ARHGAP15: variants seen among roughly 807,000 people sequenced by gnomAD.
ARHGAP15 encodes the protein rho GTPase-activating protein 15.
A neutral mutation model predicts 63.7 loss-of-function variants in ARHGAP15; 51 were observed. The observed-to-expected ratio is 0.80, with a 90% CI of 0.64 to 1.01. The LOEUF (loss-of-function observed/expected upper bound fraction) is 1.01, where lower values mean the gene tolerates loss of function less well. Ranked by LOEUF, ARHGAP15 falls within the 50% of genes least tolerant of loss-of-function variation. The pLI is 0.00. For synonymous variants in ARHGAP15, 191 were observed against 193.8 expected (o/e 0.99, Z 0.12); for missense variants, 560 against 564.6 (o/e 0.99, Z 0.08).
chr2:143,420,025 T>C (rs1336987171), intron 6 of ARHGAP15, among the ~76,000 whole-genome samples: 3 of 152,144 alleles, frequency 2.0e-5, no homozygotes, highest in Non-Finnish European at 4.4e-5. Context: ...CAAAGAGGCT[T>C]CTTAAGGCTC....
intron 2 of ARHGAP15, among the ~76,000 whole-genome samples, chr2:143,164,335 A>G (rs1049702447): frequency 6.6e-5 from 10 of 151,906 alleles, no homozygotes; most frequent in African/African-American, 2.4e-4. Context: ...AGGCAAATAC[A>G]TTTTTTTTAC....
At chr2:143,374,035 A>G (rs1375691045) in intron 6 of ARHGAP15, among the ~76,000 whole-genome samples, 5 of 152,160 alleles carry the variant, frequency 3.3e-5, no homozygotes. Context: ...AACAAATCCC[A>G]AATATTGTGT....
intron 6 of ARHGAP15, among the ~76,000 whole-genome samples, chr2:143,376,167 G>A (rs1686800741): frequency 6.6e-6 from 1 of 152,166 alleles, no homozygotes; most frequent in African/African-American, 2.4e-5. Flanking sequence ...TCTAAAAGTG[G>A]AAGGAGAAAT....
intron 3 of ARHGAP15, among the ~76,000 whole-genome samples, chr2:143,209,065 G>A (rs1692467541): frequency 6.6e-6 from 1 of 151,732 alleles, no homozygotes; most frequent in South Asian, 2.1e-4. Context: ...ATAGTAGTGA[G>A]GGCTTTGAGC....
intron 10 of ARHGAP15, among the ~76,000 whole-genome samples, chr2:143,550,450 T>C (rs988414242): frequency 2.0e-5 from 3 of 152,226 alleles, no homozygotes; most frequent in Non-Finnish European, 4.4e-5. Flanking sequence ...GGGTAGTTGA[T>C]GCTGACCTAG....
At chr2:143,672,253 C>T (rs1682564692) in intron 12 of ARHGAP15, among the ~76,000 whole-genome samples, 1 of 151,998 alleles carries the variant, frequency 6.6e-6, no homozygotes, top group Non-Finnish European at 1.5e-5. Context: ...ATTAGGCAGA[C>T]TTATCTGAGG....
At chr2:143,179,765 G>T (rs1489544959) in intron 2 of ARHGAP15, among the ~76,000 whole-genome samples, 1 of 152,010 alleles carries the variant, frequency 6.6e-6, no homozygotes, top group African/African-American at 2.4e-5. Context: ...GCTTTTCCAT[G>T]CCTGTAGTCC....
intron 10 of ARHGAP15, among the ~76,000 whole-genome samples, chr2:143,539,710 T>C (rs1694955364): frequency 6.6e-6 from 1 of 152,152 alleles, no homozygotes; most frequent in Non-Finnish European, 1.5e-5. Context: ...TTCTTAATCC[T>C]GAGTTCTAGT....
chr2:143,593,587 A>G (rs113424883), intron 11 of ARHGAP15, among the ~76,000 whole-genome samples: 12 of 152,180 alleles, frequency 7.9e-5, no homozygotes, highest in Non-Finnish European at 1.6e-4. Flanking sequence ...TTTTTATCTT[A>G]TCTGAGAGCT....
chr2:143,656,934 G>GGGGTGTGTGTGTGT (rs1484394918), intron 12 of ARHGAP15, among the ~76,000 whole-genome samples: 32 of 144,936 alleles, frequency 2.2e-4, no homozygotes, highest in Non-Finnish European at 3.9e-4. Flanking sequence ...CAAAGTTTCT[G>GGGGTGTGTGTGTGT]GTGTGTGTGT....
chr2:143,728,629 G>T (rs1685392340), intron 13 of ARHGAP15, among the ~76,000 whole-genome samples: 1 of 152,152 alleles, frequency 6.6e-6, no homozygotes, highest in African/African-American at 2.4e-5. Context: ...GACTTTGTAA[G>T]GTTTAGGGGA....
intron 1 of ARHGAP15, among the ~76,000 whole-genome samples, chr2:143,134,187 A>G (rs1235565831): frequency 6.3e-5 from 5 of 79,064 alleles, no homozygotes; most frequent in African/African-American, 1.7e-4. Context: ...TCTATCATCT[A>G]TCTATCTACC....
intron 4 of ARHGAP15, among the ~76,000 whole-genome samples, chr2:143,225,561 A>G (rs181249449): frequency 3.3e-5 from 5 of 152,350 alleles, no homozygotes; most frequent in African/African-American, 9.6e-5. Flanking sequence ...AGATTGCGCC[A>G]CTGCACTCCA....
At chr2:143,198,545 C>G (rs546614103) in intron 2 of ARHGAP15, among the ~76,000 whole-genome samples, 2 of 151,960 alleles carry the variant, frequency 1.3e-5, no homozygotes, top group African/African-American at 4.8e-5. Context: ...TTCTATGAAA[C>G]CTTAGGATTT....
At chr2:143,661,736 G>A (rs554056093) in intron 12 of ARHGAP15, among the ~76,000 whole-genome samples, 2 of 152,340 alleles carry the variant, frequency 1.3e-5, no homozygotes, top group East Asian at 3.9e-4. Context: ...GTGAGCCGAA[G>A]CAGGGTGAGG....
At chr2:143,180,577 T>C (rs562421514) in intron 2 of ARHGAP15, among the ~76,000 whole-genome samples, 6 of 152,270 alleles carry the variant, frequency 3.9e-5, no homozygotes, top group Non-Finnish European at 5.9e-5. Flanking sequence ...TCTAGAATGG[T>C]AAATCCTTTT....
chr2:143,245,013 GAGA>G (rs750906543), intron 5 of ARHGAP15, among the ~76,000 whole-genome samples: 4 of 152,186 alleles, frequency 2.6e-5, no homozygotes, highest in Non-Finnish European at 5.9e-5. Flanking sequence ...AGGCAGGTAG[GAGA>G]AGAAGATAAT....
intron 13 of ARHGAP15, among the ~76,000 whole-genome samples, chr2:143,713,825 G>A (rs993998068): frequency 1.1e-4 from 16 of 152,200 alleles, no homozygotes; most frequent in Non-Finnish European, 1.8e-4. Flanking sequence ...AGGTCATGCT[G>A]ATACAAGAGG....
At chr2:143,319,530 C>G (rs1229841254) in intron 6 of ARHGAP15, among the ~76,000 whole-genome samples, 2 of 152,104 alleles carry the variant, frequency 1.3e-5, no homozygotes, top group Admixed American at 6.5e-5. Flanking sequence ...CCAGGTCCCA[C>G]TTTTATTTAA....
Sources: gnomAD v4.1 joint callset for allele counts (sites outside exome capture counted in the v4.1 genomes callset) on GRCh38, gnomAD v4.1.1 for gene constraint, MANE v1.5 for transcripts, NCBI Gene and HGNC (gene_info 2026-07-23, HGNC 2026-07-21) for gene names.